EHMT1: variants seen among roughly 807,000 people sequenced by gnomAD.
The protein encoded by EHMT1 is euchromatic histone lysine methyltransferase 1, also known as histone-lysine N-methyltransferase EHMT1.
In EHMT1, 15 loss-of-function variants were observed where a neutral mutation model predicts 147.2. That is an observed-to-expected ratio of 0.10 (90% CI 0.07 to 0.16). EHMT1 has a LOEUF of 0.16. Ranked by LOEUF, EHMT1 falls within the 10% of genes least tolerant of loss-of-function variation. The pLI is 1.00. For missense variants in EHMT1, 1,587 were observed against 1,772.4 expected, an observed-to-expected ratio of 0.90 and a Z score of 1.88; for synonymous variants, 795 against 709.6, an observed-to-expected ratio of 1.12 and a Z score of -1.91.
At chr9:137,733,219 G>C (rs917579639) in intron 4 of EHMT1, among the ~76,000 whole-genome samples, 2 of 152,242 alleles carry the variant, frequency 1.3e-5, no homozygotes, top group African/African-American at 4.8e-5. Flanking sequence ...TGGCCGTGCT[G>C]AATCAGGATC....
chr9:137,729,364 G>A (rs1303341559), intron 4 of EHMT1, among the ~76,000 whole-genome samples: 12 of 152,178 alleles, frequency 7.9e-5, no homozygotes, highest in African/African-American at 2.7e-4. Flanking sequence ...CAAGGCGGGT[G>A]GATCACGAGA....
chr9:137,734,918 C>T, intron 4 of EHMT1, among the ~76,000 whole-genome samples: 1 of 152,210 alleles, frequency 6.6e-6, no homozygotes, highest in East Asian at 1.9e-4. Flanking sequence ...TTTGTTACCA[C>T]CTGACCTGGA....
chr9:137,799,984 G>A (rs1225739215), intron 17 of EHMT1, among the ~76,000 whole-genome samples: 1 of 152,160 alleles, frequency 6.6e-6, no homozygotes, highest in Non-Finnish European at 1.5e-5. Context: ...TGCCTGTGGT[G>A]GTGCTGACTG....
At chr9:137,807,160 C>T (rs1424021302) in intron 18 of EHMT1, among the ~76,000 whole-genome samples, 4 of 152,226 alleles carry the variant, frequency 2.6e-5, no homozygotes, top group Admixed American at 6.5e-5. Flanking sequence ...CTGCCCACCA[C>T]GCTTTCCAGT....
At chr9:137,795,415 A>ACACACACACACTCT (rs1309109364) in intron 16 of EHMT1, among the ~76,000 whole-genome samples, 28 of 17,028 alleles carry the variant, frequency 1.6e-3, no homozygotes, top group Non-Finnish European at 3.1e-3. Flanking sequence ...ACACACACAC[A>ACACACACACACTCT]CACACACACA....
intron 3 of EHMT1, among the ~76,000 whole-genome samples, chr9:137,719,843 A>G (rs1945755938): frequency 7.3e-6 from 1 of 136,912 alleles, no homozygotes; most frequent in Non-Finnish European, 1.6e-5. Context: ...ACCAGGACAC[A>G]TGAGGTGCCG....
Position 137,710,978 on chromosome 9 carries a change from G to A in EHMT1, c.33G>A (p.Ala11=), listed in dbSNP as rs754740754. The A allele has an allele frequency of 1.0e-5, 16 of 1,598,016 alleles. No individual in the cohort carries two copies. The highest frequency in any genetic ancestry group is 3.5e-5 in the Admixed American group (2 of 57,790). ...TTTCTCTCTAACAGGCAGTTCCGGC[G>A]AGGGGGGAGCCTCAGCAGGATTGCT... The part of the protein sequence containing the change: MAAADAEAVP[A]RGEPQQDCCV... Residue 11 remains alanine, a synonymous_variant, in exon 2 of 27, where the codon GCG becomes GCA. Coordinates refer to ENST00000460843, the MANE Select transcript of EHMT1 (RefSeq NM_024757.5).
At chr9:137,742,688 A>G (rs1004656603) in intron 4 of EHMT1, among the ~76,000 whole-genome samples, 2 of 152,096 alleles carry the variant, frequency 1.3e-5, no homozygotes, top group African/African-American at 2.4e-5. Context: ...GCCCCCAGAC[A>G]TTTGCTTCTC....
chr9:137,756,290 T>C (rs1949372708), intron 8 of EHMT1, among the ~76,000 whole-genome samples: 1 of 152,242 alleles, frequency 6.6e-6, no homozygotes, highest in African/African-American at 2.4e-5. Flanking sequence ...TTGATTTTTC[T>C]CCACCTGTTG....
intron 1 of EHMT1, among the ~76,000 whole-genome samples, chr9:137,643,285 T>C (rs1844626116): frequency 6.6e-6 from 1 of 152,018 alleles, no homozygotes; most frequent in African/African-American, 2.4e-5. Flanking sequence ...CTACTTTTGT[T>C]TATCTTGGAA....
intron 1 of EHMT1, chr9:137,641,166 C>T (rs1400441410): frequency 7.3e-6 from 3 of 413,414 alleles, no homozygotes; most frequent in East Asian, 6.3e-5. Flanking sequence ...TCTGCACCTG[C>T]GTCAGAATGG....
chr9:137,670,998 T>C (rs1344909540), intron 1 of EHMT1, among the ~76,000 whole-genome samples: 1 of 152,216 alleles, frequency 6.6e-6, no homozygotes, highest in East Asian at 1.9e-4. Flanking sequence ...TGACTCTTGT[T>C]CCAGGGTAAG....
intron 10 of EHMT1, among the ~76,000 whole-genome samples, chr9:137,767,756 C>T (rs879722065): frequency 7.9e-5 from 12 of 151,874 alleles, no homozygotes; most frequent in Admixed American, 2.6e-4. Context: ...GAGATTGCAG[C>T]GTGCCAAGAT....
In EHMT1 at chr9:137,768,530, T is replaced by G. The variant is rs1383367392; in HGVS notation, c.1647+5710T>G. On this transcript the variant is annotated intron_variant, in intron 10 of 26. Coordinates refer to ENST00000460843, the MANE Select transcript of EHMT1 (RefSeq NM_024757.5). The stretch of plus-strand genomic sequence containing the variant: ...CACCACGCCCGGCTAATTTTTTGTA[T>G]TTTTTTTTTTTTTTTTTTTTTTTTT... 2.2e-4 allele frequency among the ~76,000 whole-genome samples: 3 copies of G among 13,890 alleles called. No individual in the cohort carries two copies. In the Admixed American group the frequency reaches 2.6e-3, roughly 12 times the overall value. 9.1% of individuals were successfully genotyped at this position (13,890 alleles called of 152,430 possible).
intron 4 of EHMT1, chr9:137,738,648 C>T (rs1236415300): frequency 6.6e-6 from 1 of 152,210 alleles, no homozygotes; most frequent in Non-Finnish European, 1.5e-5. Context: ...ACCCGAGGGT[C>T]GGCTGTCGGG....
intron 18 of EHMT1, among the ~76,000 whole-genome samples, chr9:137,807,538 C>T (rs185585095): frequency 6.5e-4 from 99 of 151,970 alleles, no homozygotes; most frequent in African/African-American, 2.3e-3. Flanking sequence ...GGCAGAGTTT[C>T]ACTCTTTTGC....
intron 25 of EHMT1, among the ~76,000 whole-genome samples, chr9:137,821,318 C>CTT (rs778919891): frequency 0.38 from 24,285 of 63,896 alleles, 6,116 homozygotes; most frequent in East Asian, 0.72. Flanking sequence ...TGCGCCCGGC[C>CTT]TTTTTTTTTT....
chr9:137,642,763 C>T (rs1036415913), intron 1 of EHMT1, among the ~76,000 whole-genome samples: 1 of 152,206 alleles, frequency 6.6e-6, no homozygotes, highest in Non-Finnish European at 1.5e-5. Context: ...ACGCAATTGT[C>T]TTTCAAATCA....
At chr9:137,796,307 T>G (rs1242704921) in intron 16 of EHMT1, among the ~76,000 whole-genome samples, 1 of 152,220 alleles carries the variant, frequency 6.6e-6, no homozygotes, top group Non-Finnish European at 1.5e-5. Flanking sequence ...AATTTAAGAA[T>G]TTCTCTTCAA....
Sources: gnomAD v4.1 joint callset for allele counts (sites outside exome capture counted in the v4.1 genomes callset) on GRCh38, gnomAD v4.1.1 for gene constraint, MANE v1.5 for transcripts, NCBI Gene and HGNC (gene_info 2026-07-23, HGNC 2026-07-21) for gene names.